The following PCDHA11 variants were observed in gnomAD, a reference collection of about 807,000 sequenced individuals.
PCDHA11 encodes the protein protocadherin alpha 11.
In PCDHA11, 61 loss-of-function variants were observed where a neutral mutation model predicts 70.3. The ratio of observed to expected loss-of-function variants is 0.87; its 90% confidence interval spans 0.71 to 1.07. The LOEUF (loss-of-function observed/expected upper bound fraction) is 1.07. Ranked by LOEUF, PCDHA11 falls within the 50% of genes least tolerant of loss-of-function variation. The pLI, the probability that PCDHA11 is intolerant of heterozygous loss-of-function variation, is 0.00. For missense variants in PCDHA11, 1,324 were observed against 1,237.5 expected (o/e 1.07, Z -1.05); for synonymous variants, 633 against 555.1 (o/e 1.14, Z -1.97).
chr5:140,990,871 G>GT, intron 3 of PCDHA11, among the ~76,000 whole-genome samples: 1 of 152,284 alleles, frequency 6.6e-6, no homozygotes, highest in East Asian at 1.9e-4. Context: ...TATTTTAAGT[G>GT]TATGTTCCAG....
At chr5:140,900,295 TTTA>T (rs1335445889) in intron 1 of PCDHA11, among the ~76,000 whole-genome samples, 3 of 152,152 alleles carry the variant, frequency 2.0e-5, no homozygotes, top group Non-Finnish European at 4.4e-5. Context: ...TTTCTGTTTT[TTTA>T]GACAGTCTCA....
At chr5:140,981,629 G>A (rs1342775971) in intron 2 of PCDHA11, among the ~76,000 whole-genome samples, 1 of 151,994 alleles carries the variant, frequency 6.6e-6, no homozygotes. Flanking sequence ...GGTTTTCTTG[G>A]ACATTTTCTC....
chr5:140,959,772 C>T (rs1554224331), intron 1 of PCDHA11, among the ~76,000 whole-genome samples: 1 of 152,120 alleles, frequency 6.6e-6, no homozygotes, highest in East Asian at 1.9e-4. Flanking sequence ...TCAGTAAGAA[C>T]AGTGTATATT....
At chr5:140,904,558 T>C (rs1288543737) in intron 1 of PCDHA11, among the ~76,000 whole-genome samples, 1 of 152,082 alleles carries the variant, frequency 6.6e-6, no homozygotes, top group Non-Finnish European at 1.5e-5. Flanking sequence ...ATAATGACTT[T>C]TTTTTCCTCT....
Position 140,869,884 on chromosome 5 carries a change from G to C in PCDHA11, c.781G>C (p.Val261Leu). 1.9e-6 allele frequency: 3 copies of C among 1,610,396 alleles called. No homozygotes were observed. The highest frequency in any genetic ancestry group is 2.5e-6 in the Non-Finnish European group (3 of 1,178,100). ...LMENAAKETL[V>L]LKLNATDRDE... ...GGAAAATGCTGCTAAAGAAACTCTTGTGCTCAAACTAAACGCCACAGACCG... is the reference window on the plus strand; with the variant it reads ...GGAAAATGCTGCTAAAGAAACTCTTCTGCTCAAACTAAACGCCACAGACCG... The change falls in exon 1 of 4, where the codon GTG becomes CTG. Residue 261 changes from valine (V) to leucine (L), a missense_variant. Coordinates refer to ENST00000398640, the MANE Select transcript of PCDHA11 (RefSeq NM_018902.5).
chr5:140,905,947 C>T (rs1210025825), intron 1 of PCDHA11, among the ~76,000 whole-genome samples: 7 of 152,124 alleles, frequency 4.6e-5, no homozygotes, highest in African/African-American at 9.7e-5. Context: ...ACTTGGAATC[C>T]GATGTTCAAG....
intron 1 of PCDHA11, among the ~76,000 whole-genome samples, chr5:140,932,118 A>C (rs2088050775): frequency 6.6e-6 from 1 of 151,946 alleles, no homozygotes; most frequent in African/African-American, 2.4e-5. Flanking sequence ...CCAATTGATA[A>C]TATTTAAGAT....
At chr5:140,886,623 C>T (rs1273600111) in intron 1 of PCDHA11, among the ~76,000 whole-genome samples, 39 of 151,848 alleles carry the variant, frequency 2.6e-4, no homozygotes, top group Admixed American at 2.4e-3. Flanking sequence ...ATCAGGAGTC[C>T]GAGACCAGCC....
intron 1 of PCDHA11, chr5:140,969,204 C>T (rs1453693936): frequency 3.2e-5 from 51 of 1,613,996 alleles, no homozygotes; most frequent in African/African-American, 1.5e-4. Context: ...AATACAGGGG[C>T]CCAGACAGGA....
intron 1 of PCDHA11, among the ~76,000 whole-genome samples, chr5:140,935,973 A>C (rs956262031): frequency 1.3e-5 from 2 of 150,786 alleles, no homozygotes; most frequent in Admixed American, 1.3e-4. Flanking sequence ...GCTCACTGCA[A>C]TCTCTGCCTC....
At chr5:140,994,004 C>T (rs1366489476) in intron 3 of PCDHA11, among the ~76,000 whole-genome samples, 3 of 152,186 alleles carry the variant, frequency 2.0e-5, no homozygotes, top group Non-Finnish European at 2.9e-5. Context: ...AGGCCAGGCT[C>T]TGTTCTAGGT....
chr5:140,954,843 G>T (rs1011520662), intron 1 of PCDHA11, among the ~76,000 whole-genome samples: 4 of 152,058 alleles, frequency 2.6e-5, no homozygotes, highest in African/African-American at 9.7e-5. Flanking sequence ...TGAAATCTTT[G>T]CCTGTGCCTA....
intron 3 of PCDHA11, among the ~76,000 whole-genome samples, chr5:140,989,275 G>A (rs2097335515): frequency 6.6e-6 from 1 of 152,096 alleles, no homozygotes; most frequent in African/African-American, 2.4e-5. Context: ...TTTCTGCTGG[G>A]GACATCTCAG....
chr5:140,907,563 A>G (rs1554193054), intron 1 of PCDHA11, among the ~76,000 whole-genome samples: 1 of 152,160 alleles, frequency 6.6e-6, no homozygotes, highest in Admixed American at 6.5e-5. Context: ...AATATAATCA[A>G]CTTGCCACCA....
Position 140,895,311 on chromosome 5 carries a change from C to T in PCDHA11, c.2391+23817C>T, listed in dbSNP as rs572826090. 2.0e-5 allele frequency among the ~76,000 whole-genome samples: 3 copies of T among 152,252 alleles called. No homozygotes were observed. The South Asian group carries it at 6.2e-4, about 32-fold the overall frequency. On this transcript the variant is annotated intron_variant, in intron 1 of 3. Transcript: ENST00000398640. ...GACCTTCGATTTCCCCCCTTCCACC[C>T]ATGACTATTGTTCTCAAATTGTTTT...
At chr5:140,992,152 A>G (rs1440263664) in intron 3 of PCDHA11, among the ~76,000 whole-genome samples, 2 of 152,004 alleles carry the variant, frequency 1.3e-5, no homozygotes, top group Non-Finnish European at 2.9e-5. Context: ...ACTTTGCTCA[A>G]TCAAGAAGTG....
At chr5:140,934,952 C>T (rs1007494400) in intron 1 of PCDHA11, among the ~76,000 whole-genome samples, 22 of 152,218 alleles carry the variant, frequency 1.4e-4, no homozygotes, top group African/African-American at 5.1e-4. Flanking sequence ...AGAGAGATCC[C>T]ATGTGCTTGT....
At chr5:140,875,271 C>A (rs1256076154) in intron 1 of PCDHA11, 2 of 1,256,362 alleles carry the variant, frequency 1.6e-6, no homozygotes, top group Non-Finnish European at 2.1e-6. Flanking sequence ...GCTCTACACT[C>A]AGAAGGTGAA....
intron 1 of PCDHA11, among the ~76,000 whole-genome samples, chr5:140,938,945 T>A (rs1390189208): frequency 6.6e-6 from 1 of 152,154 alleles, no homozygotes; most frequent in African/African-American, 2.4e-5. Context: ...TCCATTCTTA[T>A]AATGCTCTAG....
Sources: gnomAD v4.1 joint callset for allele counts (sites outside exome capture counted in the v4.1 genomes callset) on GRCh38, gnomAD v4.1.1 for gene constraint, MANE v1.5 for transcripts, NCBI Gene and HGNC (gene_info 2026-07-23, HGNC 2026-07-21) for gene names.